The following ASTN2 variants were observed in gnomAD, a reference collection of about 807,000 sequenced individuals.
The protein encoded by ASTN2 is astrotactin 2.
ASTN2 carries 54 observed loss-of-function variants against 139.8 expected under a neutral mutation model. That is an observed-to-expected ratio of 0.39 (90% CI 0.31 to 0.48). The LOEUF is 0.48. Ranked by LOEUF, ASTN2 falls within the 20% of genes least tolerant of loss-of-function variation. The probability of loss-of-function intolerance (pLI) is 0.95; values close to 1 mark genes in which losing one functional copy is unlikely to be tolerated. For synonymous variants in ASTN2, 756 were observed against 719.5 expected, an observed-to-expected ratio of 1.05 and a Z score of -0.81; for missense variants, 1,565 against 1,725.1, an observed-to-expected ratio of 0.91 and a Z score of 1.64.
chr9:117,358,286 ACACACACACATACACATCCACATC>A (rs913567533), intron 1 of ASTN2, among the ~76,000 whole-genome samples: 8 of 151,880 alleles, frequency 5.3e-5, no homozygotes, highest in African/African-American at 1.9e-4. Flanking sequence ...ACACACACAC[ACACACACACATACACATCCACATC>A]CACACACATA....
chr9:117,031,462 G>A (rs979388416), intron 6 of ASTN2, among the ~76,000 whole-genome samples: 3 of 151,960 alleles, frequency 2.0e-5, no homozygotes, highest in African/African-American at 4.8e-5. Context: ...GCCTTTTAGC[G>A]GGCATCAAGT....
intron 1 of ASTN2, among the ~76,000 whole-genome samples, chr9:117,335,487 A>G (rs557773339): frequency 2.6e-4 from 39 of 152,298 alleles, no homozygotes; most frequent in African/African-American, 9.4e-4. Context: ...TATGATGCAA[A>G]TTATCTGAGC....
intron 1 of ASTN2, among the ~76,000 whole-genome samples, chr9:117,404,855 A>G (rs117756395): frequency 0.014 from 2,068 of 152,154 alleles, 28 homozygotes; most frequent in Middle Eastern, 0.034. Flanking sequence ...AAAAGGGGGA[A>G]AAAAAAGAAG....
chr9:116,687,153 T>G (rs906971229), intron 16 of ASTN2: 175 of 1,073,570 alleles, frequency 1.6e-4, no homozygotes, highest in Non-Finnish European at 2.0e-4. Context: ...TACGTGTCGC[T>G]AAGGCCCCGG....
intron 4 of ASTN2, among the ~76,000 whole-genome samples, chr9:117,121,247 G>A (rs1829551119): frequency 6.6e-6 from 1 of 152,146 alleles, no homozygotes; most frequent in Non-Finnish European, 1.5e-5. Flanking sequence ...GTGCATCACT[G>A]GGCTAGAGGA....
At chr9:117,413,083 G>A (rs770893291) in intron 1 of ASTN2, among the ~76,000 whole-genome samples, 13 of 152,332 alleles carry the variant, frequency 8.5e-5, no homozygotes, top group Non-Finnish European at 1.8e-4. Context: ...AGCCTGCGAG[G>A]GTGGGTACAG....
At chr9:116,899,118 A>G (rs533534884) in intron 10 of ASTN2, among the ~76,000 whole-genome samples, 1 of 152,328 alleles carries the variant, frequency 6.6e-6, no homozygotes, top group Non-Finnish European at 1.5e-5. Context: ...CTGAGCAACC[A>G]TTCAGCTACA....
chr9:117,020,207 G>C (rs1837836046), intron 6 of ASTN2, among the ~76,000 whole-genome samples: 1 of 151,952 alleles, frequency 6.6e-6, no homozygotes, highest in South Asian at 2.1e-4. Flanking sequence ...ACTGATGATG[G>C]TACTATTACT....
At chr9:116,762,580 GT>G (rs1829701365) in intron 13 of ASTN2, among the ~76,000 whole-genome samples, 1 of 152,126 alleles carries the variant, frequency 6.6e-6, no homozygotes, top group African/African-American at 2.4e-5. Flanking sequence ...ATTAAGAATG[GT>G]TTTTACATTT....
intron 6 of ASTN2, among the ~76,000 whole-genome samples, chr9:117,024,075 G>A (rs1459802087): frequency 6.6e-6 from 1 of 152,118 alleles, no homozygotes; most frequent in African/African-American, 2.4e-5. Flanking sequence ...GCACAAACCA[G>A]TCTCATCCCA....
Position 116,513,496 on chromosome 9 carries a change from A to G in ASTN2, c.3356-25996T>C, listed in dbSNP as rs200122418. Among the ~76,000 whole-genome samples, 2,628 of 151,820 alleles carry G rather than the reference A, an allele frequency of 0.017. 343 individuals carry two copies. In the South Asian group the frequency reaches 0.26, roughly 15 times the overall value. ...TATGTGTCTTGGAGTTGCTCTTCTC[A>G]AGGAGTTCTTTGTGGCTTTCTCTGT... On this transcript the variant is annotated intron_variant, in intron 19 of 22. Coordinates refer to ENST00000313400, the MANE Select transcript of ASTN2 (RefSeq NM_001365068.1).
At chr9:117,116,071 T>C (rs1190985105) in intron 4 of ASTN2, among the ~76,000 whole-genome samples, 4 of 150,384 alleles carry the variant, frequency 2.7e-5, no homozygotes, top group Non-Finnish European at 5.9e-5. Context: ...ATCCAAGAGC[T>C]CACATTCAGA....
rs73655482 is a variant in ASTN2, at chr9:116,744,200, C to T, written c.2397-10677G>A. On this transcript the variant is annotated intron_variant, in intron 13 of 22. Transcript: ENST00000313400. ...CGCATGTGTGTGTATGGAAGAGGCA[C>T]AGATAAAACACATGGCATGTTCTGG... is the stretch of plus-strand genomic sequence containing the variant. Among the ~76,000 whole-genome samples the T allele has an allele frequency of 2.2e-3, 328 of 152,146 alleles. 3 individuals are homozygous for T. Among genetic ancestry groups the T allele is most frequent in the African/African-American group, 7.6e-3 (314 of 41,504 alleles).
At chr9:116,451,099 G>A (rs1364092868) in intron 20 of ASTN2, among the ~76,000 whole-genome samples, 2 of 152,094 alleles carry the variant, frequency 1.3e-5, no homozygotes, top group African/African-American at 4.8e-5. Context: ...GAGCTCTGTA[G>A]GAAGGCCAAG....
At chr9:116,615,513 G>A (rs1388649753) in intron 19 of ASTN2, among the ~76,000 whole-genome samples, 1 of 152,078 alleles carries the variant, frequency 6.6e-6, no homozygotes, top group Non-Finnish European at 1.5e-5. Context: ...AAGAAAATGT[G>A]GCACATATAC....
chr9:116,625,465 C>A (rs1856400463), intron 17 of ASTN2, among the ~76,000 whole-genome samples: 1 of 152,154 alleles, frequency 6.6e-6, no homozygotes, highest in Non-Finnish European at 1.5e-5. Flanking sequence ...CACTCTGGCC[C>A]CATTGCTGTC....
intron 13 of ASTN2, among the ~76,000 whole-genome samples, chr9:116,740,460 A>T (rs1392910274): frequency 1.3e-5 from 2 of 152,152 alleles, no homozygotes; most frequent in Non-Finnish European, 2.9e-5. Flanking sequence ...CATGGGGATA[A>T]TGAGTTCAGC....
intron 2 of ASTN2, among the ~76,000 whole-genome samples, chr9:117,222,625 T>G (rs73535222): frequency 0.049 from 7,519 of 152,190 alleles, 367 homozygotes; most frequent in African/African-American, 0.13. Context: ...TCATTCTTAT[T>G]CCTCACCCTT....
At chr9:116,731,178 G>GTAATAA (rs68099311) in intron 14 of ASTN2, among the ~76,000 whole-genome samples, 32 of 140,192 alleles carry the variant, frequency 2.3e-4, no homozygotes, top group East Asian at 1.0e-3. Flanking sequence ...ATTTTTCCTG[G>GTAATAA]TAATAATAAT....
Sources: gnomAD v4.1 joint callset for allele counts (sites outside exome capture counted in the v4.1 genomes callset) on GRCh38, gnomAD v4.1.1 for gene constraint, MANE v1.5 for transcripts, NCBI Gene and HGNC (gene_info 2026-07-23, HGNC 2026-07-21) for gene names.